Variants in GRM3 observed in about 807,000 individuals in gnomAD.
GRM3 encodes metabotropic glutamate receptor 3.
In GRM3, 26 loss-of-function variants were observed where a neutral mutation model predicts 70.5. The ratio of observed to expected loss-of-function variants is 0.37; its 90% CI spans 0.27 to 0.51. The LOEUF (loss-of-function observed/expected upper bound fraction) is 0.51. GRM3 is among the 20% of genes least tolerant of loss of function. The probability of loss-of-function intolerance (pLI) is 0.93; values close to 1 mark genes in which losing one functional copy is unlikely to be tolerated. For synonymous variants in GRM3, 443 were observed against 434.9 expected (o/e 1.02, Z -0.23); for missense variants, 859 against 1,123.8 (o/e 0.76, Z 3.37).
intron 5 of GRM3, 152 bp from the exon 6 acceptor site, chr7:86,864,130 A>G: frequency 3.4e-6 from 2 of 593,508 alleles, no homozygotes; most frequent in Non-Finnish European, 6.2e-6. Flanking sequence ...TCACCTGGGT[A>G]GTATACACTG....
chr7:86,844,939 G>A (rs1471729936), intron 4 of GRM3, among the ~76,000 whole-genome samples: 1 of 152,030 alleles, frequency 6.6e-6, no homozygotes, highest in Non-Finnish European at 1.5e-5. Context: ...ACCCAGGCTA[G>A]AGGGCAATGG....
intron 3 of GRM3, among the ~76,000 whole-genome samples, chr7:86,836,345 A>G (rs1798456707): frequency 6.6e-6 from 1 of 152,238 alleles, no homozygotes; most frequent in African/African-American, 2.4e-5. Flanking sequence ...AACCTTAGAA[A>G]CAACATAAAT....
chr7:86,685,513 G>A (rs913223875), intron 1 of GRM3, among the ~76,000 whole-genome samples: 10 of 152,124 alleles, frequency 6.6e-5, no homozygotes, highest in East Asian at 3.9e-4. Flanking sequence ...ATTCACTTTC[G>A]AAACAGCATG....
At chr7:86,686,250 G>A (rs1053442247) in intron 1 of GRM3, among the ~76,000 whole-genome samples, 1 of 152,116 alleles carries the variant, frequency 6.6e-6, no homozygotes, top group Non-Finnish European at 1.5e-5. Context: ...GTTTGGCATG[G>A]GAGAACAGAG....
Position 86,779,013 on chromosome 7 carries a change from G to A in GRM3, c.469-7248G>A, listed in dbSNP as rs563429867. On this transcript the variant is annotated intron_variant, in intron 2 of 5. Coordinates refer to ENST00000361669, the MANE Select transcript of GRM3 (RefSeq NM_000840.3). ...CACACACACTCATCATTGAAATAAAGCATGGCACCTGGGATCCTAAAAAGA... is the reference window on the plus strand; with the variant it reads ...CACACACACTCATCATTGAAATAAAACATGGCACCTGGGATCCTAAAAAGA... Among the ~76,000 whole-genome samples, 208 of 151,940 alleles carry A rather than the reference G, an allele frequency of 1.4e-3. 1 individual carries two copies. The highest frequency in any genetic ancestry group is 4.8e-3 in the African/African-American group (200 of 41,456).
At chr7:86,804,272 T>A (rs1376764053) in intron 3 of GRM3, among the ~76,000 whole-genome samples, 1 of 152,204 alleles carries the variant, frequency 6.6e-6, no homozygotes, top group Non-Finnish European at 1.5e-5. Flanking sequence ...AAGATCATAT[T>A]CATTCTAGAT....
intron 3 of GRM3, among the ~76,000 whole-genome samples, chr7:86,789,176 G>A (rs942276776): frequency 6.6e-6 from 1 of 152,158 alleles, no homozygotes; most frequent in African/African-American, 2.4e-5. Flanking sequence ...GACATTACCA[G>A]TCATTCTCCA....
chr7:86,678,553 C>T (rs1406242518), intron 1 of GRM3, among the ~76,000 whole-genome samples: 1 of 151,926 alleles, frequency 6.6e-6, no homozygotes, highest in Non-Finnish European at 1.5e-5. Flanking sequence ...GATTTTATGT[C>T]TCTAAGCCCA....
rs892714869 is a variant in GRM3, at chr7:86,839,751, T to C, written c.2237T>C (p.Ile746Thr). The change falls in exon 4 of 6, where the codon ATC becomes ACC. Residue 746 changes from isoleucine to threonine, a missense_variant. Ile to Thr is a moderately conservative substitution (Grantham distance 89, BLOSUM62 -1). Transcript: ENST00000361669. This position sits in a 1 kb window ranked among gnomAD's most constrained non-coding sequence, Gnocchi z 4.5. ...TTGATCTCTCTTACCTACGATGTGA[T>C]CCTGGTGATCTTATGCACTGTGTAC... ...SMLISLTYDVILVILCTVYAF... is the reference protein window; with the variant it reads ...SMLISLTYDVTLVILCTVYAF... 3.7e-6 allele frequency: 6 copies of C among 1,614,016 alleles called. No individual in the cohort carries two copies. The African/African-American group carries it at 6.7e-5, about 18-fold the overall frequency.
intron 1 of GRM3, among the ~76,000 whole-genome samples, chr7:86,646,820 C>T (rs921944055): frequency 6.6e-6 from 1 of 151,974 alleles, no homozygotes; most frequent in African/African-American, 2.4e-5. Context: ...TGGAAAGCCA[C>T]ACACACAAAA....
intron 1 of GRM3, among the ~76,000 whole-genome samples, chr7:86,714,554 G>T (rs1795272727): frequency 6.6e-6 from 1 of 151,964 alleles, no homozygotes. Flanking sequence ...CCTAAGTCCA[G>T]AATATAATAC....
chr7:86,861,883 G>A (rs1434827252), intron 5 of GRM3, among the ~76,000 whole-genome samples: 3 of 152,188 alleles, frequency 2.0e-5, no homozygotes, highest in African/African-American at 7.2e-5. Context: ...AAGCAAGAGT[G>A]GAAACAGACA....
rs1176759336 is a variant in GRM3, at chr7:86,774,422, C to T, written c.468+8809C>T. ...GGAGGTTTATCAGTGGGACTTTGAA[C>T]ACTAAAAGTGTAGTGTGACTATTTT... On this transcript the variant is annotated intron_variant, in intron 2 of 5. Transcript: ENST00000361669. Among the ~76,000 whole-genome samples, 8 of 152,172 alleles carry T rather than the reference C, an allele frequency of 5.3e-5. No homozygotes were observed. The East Asian group carries it at 1.5e-3, about 29-fold the overall frequency.
At chr7:86,823,604 T>C (rs1209253526) in intron 3 of GRM3, among the ~76,000 whole-genome samples, 1 of 118,186 alleles carries the variant, frequency 8.5e-6, no homozygotes, top group African/African-American at 3.3e-5. Flanking sequence ...TTTTTTTTTT[T>C]TGGCGGGGGG....
At chr7:86,650,504 C>T (rs1054525465) in intron 1 of GRM3, among the ~76,000 whole-genome samples, 4 of 152,170 alleles carry the variant, frequency 2.6e-5, no homozygotes, top group Non-Finnish European at 4.4e-5. Flanking sequence ...TCCCCAGGCT[C>T]AAGATCTTTC....
intron 1 of GRM3, among the ~76,000 whole-genome samples, chr7:86,645,896 T>A (rs1793449358): frequency 6.6e-6 from 1 of 150,678 alleles, no homozygotes; most frequent in Non-Finnish European, 1.5e-5. Flanking sequence ...AGGTGTGAGT[T>A]AAGTACCAAC....
intron 1 of GRM3, among the ~76,000 whole-genome samples, chr7:86,672,554 A>T (rs1794198069): frequency 6.7e-6 from 1 of 149,802 alleles, no homozygotes; most frequent in South Asian, 2.1e-4. Context: ...TCCAGATACG[A>T]CCTCATCTCA....
chr7:86,678,400 AC>A (rs1202822645), intron 1 of GRM3, among the ~76,000 whole-genome samples: 2 of 152,036 alleles, frequency 1.3e-5, no homozygotes, highest in African/African-American at 4.8e-5. Flanking sequence ...GAATAGGCTA[AC>A]CCCCATTCCT....
At chr7:86,733,777 G>A (rs567729100) in intron 1 of GRM3, among the ~76,000 whole-genome samples, 3 of 152,094 alleles carry the variant, frequency 2.0e-5, no homozygotes, top group African/African-American at 4.8e-5. Context: ...GGGCACAAGC[G>A]AGCCTAGGTG....
Sources: gnomAD v4.1 joint callset for allele counts (sites outside exome capture counted in the v4.1 genomes callset) on GRCh38, gnomAD v4.1.1 for gene constraint, Gnocchi (gnomAD v3.1) non-coding constraint, MANE v1.5 for transcripts, NCBI Gene and HGNC (gene_info 2026-07-23, HGNC 2026-07-21) for gene names.